Variants in STK32B observed in about 807,000 individuals in gnomAD.
STK32B encodes the protein serine/threonine kinase 32B, also known as serine/threonine-protein kinase 32B.
In STK32B, 43 loss-of-function variants were observed where a neutral mutation model predicts 52.6. That is an observed-to-expected ratio of 0.82 (90% confidence interval 0.64 to 1.05). STK32B has a LOEUF of 1.05. STK32B is among the 50% of genes least tolerant of loss of function. The pLI, the probability that STK32B is intolerant of heterozygous loss-of-function variation, is 0.00. For synonymous variants in STK32B, 238 were observed against 204.3 expected (o/e 1.17, Z -1.41); for missense variants, 621 against 534.6 (o/e 1.16, Z -1.59).
At chr4:5,313,930 T>C (rs1730482239) in intron 3 of STK32B, among the ~76,000 whole-genome samples, 1 of 152,072 alleles carries the variant, frequency 6.6e-6, no homozygotes, top group South Asian at 2.1e-4. Context: ...ATTACAGAAA[T>C]CAAATAAGAC....
Position 5,249,776 on chromosome 4 carries a change from T to C in STK32B, c.260+81326T>C, listed in dbSNP as rs184459351. The stretch of plus-strand genomic sequence containing the variant: ...TCTTAATTTATTGTTTTTGTTTTTC[T>C]TTTAGTTTCAGAGGTATACATGCAA... On this transcript the variant is annotated intron_variant, in intron 3 of 11. Coordinates refer to ENST00000282908, the MANE Select transcript of STK32B (RefSeq NM_018401.3). Among the ~76,000 whole-genome samples the C allele has an allele frequency of 1.3e-3, 196 of 152,282 alleles. 2 individuals are homozygous for C. The highest frequency in any genetic ancestry group is 4.5e-3 in the African/African-American group (187 of 41,558).
chr4:5,408,037 C>T (rs531324636), intron 5 of STK32B, among the ~76,000 whole-genome samples: 1 of 152,124 alleles, frequency 6.6e-6, no homozygotes, highest in African/African-American at 2.4e-5. Context: ...TCCACAGACA[C>T]CAAATCTGTC....
chr4:5,342,519 A>G (rs112317217), intron 4 of STK32B, among the ~76,000 whole-genome samples: 3,912 of 151,710 alleles, frequency 0.026, 150 homozygotes, highest in African/African-American at 0.087. Flanking sequence ...TTGGCCATAC[A>G]CTTTTAAACA....
Position 5,142,785 on chromosome 4 carries a change from G to A in STK32B, c.108+2825G>A, listed in dbSNP as rs533644751. ...GTGCCCAGATGTTTGGTCAAACATC[G>A]ATCTAGATGTCCCTGCGAAGGTATT... On this transcript the variant is annotated intron_variant, in intron 2 of 11. Coordinates refer to ENST00000282908, the MANE Select transcript of STK32B (RefSeq NM_018401.3). Among the ~76,000 whole-genome samples the A allele has an allele frequency of 5.3e-5, 8 of 152,318 alleles. No individual in the cohort carries two copies. The South Asian group carries it at 6.2e-4, about 12-fold the overall frequency.
intron 2 of STK32B, chr4:5,140,442 T>A (rs1716354682): frequency 2.1e-6 from 1 of 471,710 alleles, no homozygotes; most frequent in Non-Finnish European, 3.0e-6. Context: ...ACTCAGAAAT[T>A]TTTTTTTTTG....
chr4:5,245,090 G>A (rs565917874), intron 3 of STK32B, among the ~76,000 whole-genome samples: 155 of 152,228 alleles, frequency 1.0e-3, no homozygotes, highest in African/African-American at 3.4e-3. Context: ...TATTAGGTCC[G>A]CTTGGTGCAG....
chr4:5,135,946 C>T (rs1716049729), intron 1 of STK32B, among the ~76,000 whole-genome samples: 1 of 152,088 alleles, frequency 6.6e-6, no homozygotes, highest in South Asian at 2.1e-4. Flanking sequence ...TCGGTAGTTC[C>T]CAAAGTGCAG....
intron 4 of STK32B, among the ~76,000 whole-genome samples, chr4:5,368,658 A>G (rs1231419208): frequency 6.6e-6 from 1 of 152,200 alleles, no homozygotes; most frequent in African/African-American, 2.4e-5. Flanking sequence ...ATGAGTCATG[A>G]GTGAGTTCTT....
intron 3 of STK32B, among the ~76,000 whole-genome samples, chr4:5,299,587 T>C (rs1354419579): frequency 6.6e-6 from 1 of 152,180 alleles, no homozygotes; most frequent in Non-Finnish European, 1.5e-5. Flanking sequence ...GGTATGTGGC[T>C]TTATTTCTGA....
chr4:5,113,922 A>AC (rs35261123), intron 1 of STK32B, among the ~76,000 whole-genome samples: 28 of 94,978 alleles, frequency 2.9e-4, no homozygotes, highest in African/African-American at 1.1e-3. Flanking sequence ...ATGCAGGGAA[A>AC]CCCGCCCCCC....
rs1293184265 is a variant in STK32B at position 5,394,357 on chromosome 4, A to G, written c.435-3850A>G. Among the ~76,000 whole-genome samples, 1 of 152,162 alleles carries G rather than the reference A, an allele frequency of 6.6e-6. No homozygotes were observed. The highest frequency in any genetic ancestry group is 2.4e-5 in the African/African-American group (1 of 41,434). ...TCCTGATGCCCTTTCTGAACGTTCAAACCCGTTTTCAACAGGATGACGCGC... is the reference window on the plus strand; with the variant it reads ...TCCTGATGCCCTTTCTGAACGTTCAGACCCGTTTTCAACAGGATGACGCGC... On this transcript the variant is annotated intron_variant, in intron 4 of 11. Transcript: ENST00000282908. This position sits in a 1 kb window ranked among gnomAD's most constrained non-coding sequence, Gnocchi z 4.2.
At chr4:5,462,102 T>C (rs1371506524) in intron 9 of STK32B, among the ~76,000 whole-genome samples, 1 of 152,100 alleles carries the variant, frequency 6.6e-6, no homozygotes, top group African/African-American at 2.4e-5. Flanking sequence ...AGTGTGTCTG[T>C]GTGTATGCCT....
intron 11 of STK32B, among the ~76,000 whole-genome samples, chr4:5,483,741 C>G (rs898692069): frequency 2.0e-5 from 3 of 152,064 alleles, no homozygotes; most frequent in Admixed American, 6.5e-5. Flanking sequence ...ATGAACTTCC[C>G]TCTACACACT....
chr4:5,217,320 TC>T (rs979903936), intron 3 of STK32B, among the ~76,000 whole-genome samples: 36 of 152,220 alleles, frequency 2.4e-4, no homozygotes, highest in African/African-American at 7.7e-4. Flanking sequence ...TTTCAGTTCT[TC>T]CTTGCCAGGA....
intron 4 of STK32B, among the ~76,000 whole-genome samples, chr4:5,379,923 G>A (rs912788920): frequency 7.2e-5 from 11 of 152,146 alleles, no homozygotes; most frequent in African/African-American, 1.9e-4. Context: ...ACCTTGCTTT[G>A]GGATCACCTT....
chr4:5,105,027 G>C (rs1386658908), intron 1 of STK32B, among the ~76,000 whole-genome samples: 1 of 152,214 alleles, frequency 6.6e-6, no homozygotes, highest in Non-Finnish European at 1.5e-5. Context: ...AGCAGTTGCA[G>C]GAATTTACAT....
At chr4:5,057,940 G>C (rs1742069589) in intron 1 of STK32B, among the ~76,000 whole-genome samples, 1 of 151,664 alleles carries the variant, frequency 6.6e-6, no homozygotes, top group Admixed American at 6.6e-5. Context: ...TTCTAGTTCA[G>C]AAAGACCTGA....
At chr4:5,179,446 A>G (rs1720183798) in intron 3 of STK32B, among the ~76,000 whole-genome samples, 1 of 152,238 alleles carries the variant, frequency 6.6e-6, no homozygotes, top group African/African-American at 2.4e-5. Context: ...ATTATCATAT[A>G]TACATGCCTA....
intron 3 of STK32B, among the ~76,000 whole-genome samples, chr4:5,247,668 G>C (rs1725560154): frequency 6.6e-6 from 1 of 152,190 alleles, no homozygotes; most frequent in Non-Finnish European, 1.5e-5. Flanking sequence ...CGTCGCTCAT[G>C]CTGGGAGCTG....
Sources: allele counts gnomAD v4.1 joint callset (sites outside exome capture counted in the v4.1 genomes callset), GRCh38; gene constraint gnomAD v4.1.1; non-coding constraint Gnocchi (gnomAD v3.1); transcripts MANE v1.5; gene names NCBI Gene and HGNC (gene_info 2026-07-23, HGNC 2026-07-21).